Variants in NETO1 observed in about 807,000 individuals in gnomAD.
NETO1 encodes neuropilin and tolloid like 1, also known as neuropilin and tolloid-like protein 1.
In NETO1, 26 loss-of-function variants were observed where a neutral mutation model predicts 61.3. The observed-to-expected ratio is 0.42, with a 90% confidence interval of 0.31 to 0.59. The LOEUF is 0.59. Ranked by LOEUF, NETO1 falls within the 20% of genes least tolerant of loss-of-function variation. The pLI is 0.12. For synonymous variants in NETO1, 225 were observed against 225.8 expected (o/e 1.00, Z 0.03); for missense variants, 531 against 662.8 (o/e 0.80, Z 2.18).
At chr18:72,856,630 T>G (rs1037862737) in intron 4 of NETO1, among the ~76,000 whole-genome samples, 1 of 152,278 alleles carries the variant, frequency 6.6e-6, no homozygotes, top group Non-Finnish European at 1.5e-5. Context: ...TGTTCAAAAT[T>G]TACGTGATGC....
At chr18:72,824,710 C>CAA (rs10694713) in intron 4 of NETO1, among the ~76,000 whole-genome samples, 5,070 of 144,464 alleles carry the variant, frequency 0.035, 127 homozygotes, top group South Asian at 0.075. Context: ...ACTTAAAATA[C>CAA]AAAAAAAAAA....
chr18:72,824,591 G>A (rs1291384535), intron 4 of NETO1, among the ~76,000 whole-genome samples: 1 of 152,122 alleles, frequency 6.6e-6, no homozygotes, highest in Non-Finnish European at 1.5e-5. Flanking sequence ...GGTGCCGGGC[G>A]TGGTGGCTCA....
chr18:72,783,715 G>A lies in NETO1; in HGVS notation c.831C>T (p.Asn277=), dbSNP rs1384799469. The A allele has an allele frequency of 1.2e-6, 2 of 1,614,014 alleles. No individual in the cohort carries two copies. Among genetic ancestry groups the A allele is most frequent in the Admixed American group, 1.7e-5 (1 of 59,968 alleles). ...IRMWADEGSR[N]SRFQMLFTSF... ...ATGTGAAGAGCATCTGAAATCGGCT[G>A]TTTCGACTGCCCTCATCTGCCCACA... Residue 277 remains asparagine (N), a synonymous_variant, in exon 7 of 11, where the codon AAC becomes AAT. Coordinates refer to ENST00000327305, the MANE Select transcript of NETO1 (RefSeq NM_138966.5).
At position 72,754,119 on chromosome 18, in the gene NETO1, G is replaced by A. The variant is rs549228988; in HGVS notation, c.982+1915C>T. On this transcript the variant is annotated intron_variant, in intron 8 of 10. Transcript: ENST00000327305. ...ATGTCTCACTATAATTAAGTTAGTAGAAATCTAATACATTCTGAGAAGCTA... is the reference window on the plus strand; with the variant it reads ...ATGTCTCACTATAATTAAGTTAGTAAAAATCTAATACATTCTGAGAAGCTA... Among the ~76,000 whole-genome samples the A allele has an allele frequency of 1.3e-4, 20 of 152,206 alleles. No individual in the cohort carries two copies. In the East Asian group the frequency reaches 3.9e-3, roughly 29 times the overall value.
chr18:72,829,730 T>C (rs144412255), intron 4 of NETO1, among the ~76,000 whole-genome samples: 211 of 152,218 alleles, frequency 1.4e-3, no homozygotes, highest in African/African-American at 3.9e-3. Flanking sequence ...AGTAACAAAA[T>C]AATATTTTGG....
At chr18:72,833,849 A>C (rs1568239459) in intron 4 of NETO1, among the ~76,000 whole-genome samples, 1 of 152,340 alleles carries the variant, frequency 6.6e-6, no homozygotes, top group East Asian at 1.9e-4. Flanking sequence ...TCCCTGCACG[A>C]AATAGCTGGT....
chr18:72,750,749 G>T, intron 8 of NETO1, 129 bp from the exon 9 acceptor site: 2 of 602,626 alleles, frequency 3.3e-6, no homozygotes, highest in Non-Finnish European at 5.5e-6. Context: ...ATTTTTACAG[G>T]CTTATAATAA....
chr18:72,785,995 C>T (rs893699403), intron 6 of NETO1, among the ~76,000 whole-genome samples: 2 of 152,050 alleles, frequency 1.3e-5, no homozygotes, highest in Admixed American at 6.6e-5. Flanking sequence ...TTTGTGTTCT[C>T]GAAAAGCTGA....
chr18:72,859,804 T>C (rs1250010620), intron 3 of NETO1, among the ~76,000 whole-genome samples: 2 of 152,158 alleles, frequency 1.3e-5, no homozygotes, highest in Non-Finnish European at 2.9e-5. Flanking sequence ...CATTATCTCC[T>C]CTTTACACAG....
intron 4 of NETO1, among the ~76,000 whole-genome samples, chr18:72,845,577 G>A (rs1054780230): frequency 6.6e-6 from 1 of 152,132 alleles, no homozygotes; most frequent in Non-Finnish European, 1.5e-5. Flanking sequence ...CAAAACAACC[G>A]AGCATCATGT....
chr18:72,784,195 G>A (rs2071835839), intron 6 of NETO1, among the ~76,000 whole-genome samples: 1 of 148,228 alleles, frequency 6.7e-6, no homozygotes, highest in South Asian at 2.1e-4. Flanking sequence ...TCAGTTACTA[G>A]TTTTGCATAC....
chr18:72,826,054 T>A (rs1046293391), intron 4 of NETO1, among the ~76,000 whole-genome samples: 4 of 152,194 alleles, frequency 2.6e-5, no homozygotes, highest in Non-Finnish European at 2.9e-5. Flanking sequence ...GTCTTTCATA[T>A]AACTTACTTG....
At chr18:72,863,666 A>C (rs935184730) in intron 3 of NETO1, among the ~76,000 whole-genome samples, 1 of 152,186 alleles carries the variant, frequency 6.6e-6, no homozygotes, top group Non-Finnish European at 1.5e-5. Flanking sequence ...CCAAAAAAAA[A>C]ATCATTTCTA....
intron 4 of NETO1, among the ~76,000 whole-genome samples, chr18:72,807,334 C>G (rs796725810): frequency 1.3e-5 from 2 of 152,084 alleles, no homozygotes; most frequent in African/African-American, 4.8e-5. Context: ...CCAAAACTTA[C>G]AAGATTTACA....
At chr18:72,777,568 G>A (rs2071596338) in intron 7 of NETO1, among the ~76,000 whole-genome samples, 1 of 134,930 alleles carries the variant, frequency 7.4e-6, no homozygotes, top group Non-Finnish European at 1.6e-5. Context: ...TTGAAACCCC[G>A]TCTCCACTAA....
chr18:72,825,882 A>G (rs975150562), intron 4 of NETO1, among the ~76,000 whole-genome samples: 1 of 152,190 alleles, frequency 6.6e-6, no homozygotes, highest in Non-Finnish European at 1.5e-5. Flanking sequence ...TGTGATTTAA[A>G]ACACTAGATT....
chr18:72,811,776 G>C (rs940603344), intron 4 of NETO1, among the ~76,000 whole-genome samples: 7 of 152,246 alleles, frequency 4.6e-5, no homozygotes, highest in African/African-American at 1.4e-4. Flanking sequence ...CCTTAATCCA[G>C]CCTGGGTGAC....
intron 7 of NETO1, 54 bp downstream of exon 7, chr18:72,783,624 C>T: frequency 7.0e-7 from 1 of 1,437,520 alleles, no homozygotes; most frequent in Non-Finnish European, 9.8e-7. Flanking sequence ...GCTTATGAAA[C>T]TGGCATCATA....
intron 4 of NETO1, among the ~76,000 whole-genome samples, chr18:72,821,289 T>C (rs1030911054): frequency 2.8e-5 from 4 of 142,318 alleles, no homozygotes; most frequent in African/African-American, 7.9e-5. Context: ...ATGCCTGTAA[T>C]CTCAGCACAT....
Sources: allele counts gnomAD v4.1 joint callset (sites outside exome capture counted in the v4.1 genomes callset), GRCh38; gene constraint gnomAD v4.1.1; transcripts MANE v1.5; gene names NCBI Gene and HGNC (gene_info 2026-07-23, HGNC 2026-07-21).